DCLK2: variants seen among roughly 807,000 people sequenced by gnomAD.
DCLK2 encodes the protein serine/threonine-protein kinase DCLK2.
DCLK2 carries 31 observed loss-of-function variants against 78.4 expected under a neutral mutation model. The ratio of observed to expected loss-of-function variants is 0.40; its 90% confidence interval spans 0.30 to 0.53. The LOEUF is 0.53. Ranked by LOEUF, DCLK2 falls within the 20% of genes least tolerant of loss-of-function variation. The probability of loss-of-function intolerance (pLI) is 0.61; values close to 1 mark genes in which losing one functional copy is unlikely to be tolerated. For missense variants in DCLK2, 872 were observed against 973.7 expected (o/e 0.90, Z 1.39); for synonymous variants, 407 against 374.9 (o/e 1.09, Z -0.99).
At chr4:150,182,568 T>C (rs1737610855) in intron 2 of DCLK2, among the ~76,000 whole-genome samples, 1 of 152,198 alleles carries the variant, frequency 6.6e-6, no homozygotes, top group Non-Finnish European at 1.5e-5. Context: ...TCATCGTTTA[T>C]TGCATGTTAA....
chr4:150,179,546 T>C (rs1265972182), intron 2 of DCLK2, among the ~76,000 whole-genome samples: 1 of 152,188 alleles, frequency 6.6e-6, no homozygotes, highest in African/African-American at 2.4e-5. Context: ...GGGTCTTAAC[T>C]ACCTGGATGT....
At chr4:150,207,778 T>A (rs530281740) in intron 5 of DCLK2, among the ~76,000 whole-genome samples, 1 of 152,350 alleles carries the variant, frequency 6.6e-6, no homozygotes, top group East Asian at 1.9e-4. Context: ...ATTTGTTTTG[T>A]TCAAGTAGTA....
chr4:150,088,533 G>A (rs1486800155), intron 1 of DCLK2, among the ~76,000 whole-genome samples: 1 of 151,796 alleles, frequency 6.6e-6, no homozygotes, highest in African/African-American at 2.4e-5. Context: ...TGGCCTCCTG[G>A]CCTCTAGCAG....
chr4:150,149,403 C>G (rs539350715), intron 2 of DCLK2, among the ~76,000 whole-genome samples: 3 of 152,218 alleles, frequency 2.0e-5, no homozygotes, highest in Admixed American at 6.5e-5. Flanking sequence ...ATATTAAACT[C>G]AGCTGGTGGA....
At chr4:150,173,605 T>G (rs766488440) in intron 2 of DCLK2, among the ~76,000 whole-genome samples, 2 of 152,158 alleles carry the variant, frequency 1.3e-5, no homozygotes, top group Non-Finnish European at 2.9e-5. Context: ...GAAGGAAAAG[T>G]CTCCACTTTT....
Position 150,179,785 on chromosome 4 carries a change from C to G in DCLK2, c.757-13353C>G, listed in dbSNP as rs1237784409. Reference sequence around the variant, plus strand: ...GATAAAAACTGCAGTTACTTTTGCACCAACCTAATAAAACCGTGATTGTAA... The same window carrying G: ...GATAAAAACTGCAGTTACTTTTGCAGCAACCTAATAAAACCGTGATTGTAA... On this transcript the variant is annotated intron_variant, in intron 2 of 15. Transcript: ENST00000296550. 2.0e-5 allele frequency among the ~76,000 whole-genome samples: 3 copies of G among 152,134 alleles called. No homozygotes were observed. In the South Asian group the frequency reaches 6.2e-4, roughly 32 times the overall value.
At chr4:150,244,167 T>A (rs1312139595) in intron 12 of DCLK2, among the ~76,000 whole-genome samples, 3 of 152,132 alleles carry the variant, frequency 2.0e-5, no homozygotes, top group Non-Finnish European at 4.4e-5. Flanking sequence ...ACTCCTAGCC[T>A]CAGGCAGTCC....
At chr4:150,079,491 G>C (rs756968380) in intron 1 of DCLK2, 43 bp downstream of exon 1, 1 of 1,441,736 alleles carries the variant, frequency 6.9e-7, no homozygotes, top group East Asian at 2.6e-5. Flanking sequence ...GCGGAGCGCC[G>C]GCAGGTGCAG....
At chr4:150,121,746 C>A (rs1177003889) in intron 2 of DCLK2, among the ~76,000 whole-genome samples, 1 of 152,142 alleles carries the variant, frequency 6.6e-6, no homozygotes, top group East Asian at 1.9e-4. Flanking sequence ...GCAAGTATAG[C>A]CTTACAAAAT....
At chr4:150,153,937 C>T (rs578202031) in intron 2 of DCLK2, among the ~76,000 whole-genome samples, 6 of 152,172 alleles carry the variant, frequency 3.9e-5, no homozygotes, top group Admixed American at 1.3e-4. Context: ...AGCATAGGTC[C>T]GGGTTCCATT....
chr4:150,253,915 C>G, intron 15 of DCLK2: 1 of 984,912 alleles, frequency 1.0e-6, no homozygotes, highest in Non-Finnish European at 1.2e-6. Flanking sequence ...AGCTGCATTT[C>G]CAAAGATGAG....
intron 7 of DCLK2, among the ~76,000 whole-genome samples, chr4:150,223,615 G>C (rs537869682): frequency 6.6e-6 from 1 of 152,130 alleles, no homozygotes; most frequent in East Asian, 1.9e-4. Context: ...GTGTTGGCAG[G>C]TGCCTGTAAT....
chr4:150,247,491 C>T, intron 12 of DCLK2, 112 bp from the exon 13 acceptor site: 1 of 767,016 alleles, frequency 1.3e-6, no homozygotes, highest in Admixed American at 2.4e-5. Context: ...ATACGGAATG[C>T]CCAAGTCAAA....
chr4:150,198,538 A>G (rs1739228924), intron 4 of DCLK2, among the ~76,000 whole-genome samples: 1 of 152,142 alleles, frequency 6.6e-6, no homozygotes, highest in Non-Finnish European at 1.5e-5. Context: ...TGCCTCATCA[A>G]ATGATACATT....
At chr4:150,109,874 A>G (rs1731541042) in intron 2 of DCLK2, among the ~76,000 whole-genome samples, 1 of 152,196 alleles carries the variant, frequency 6.6e-6, no homozygotes, top group South Asian at 2.1e-4. Flanking sequence ...AAGGTGACTT[A>G]CCTTAAATTA....
chr4:150,247,977 C>T (rs1560908846), intron 13 of DCLK2, among the ~76,000 whole-genome samples: 1 of 152,158 alleles, frequency 6.6e-6, no homozygotes. Flanking sequence ...GTATTGGGCA[C>T]CCATCAGGAT....
intron 2 of DCLK2, among the ~76,000 whole-genome samples, chr4:150,176,032 G>A (rs544184763): frequency 1.2e-4 from 19 of 152,308 alleles, no homozygotes; most frequent in Admixed American, 2.6e-4. Context: ...GAAGATAGGT[G>A]GCTGGAATTT....
intron 10 of DCLK2, among the ~76,000 whole-genome samples, chr4:150,233,930 C>T (rs1742272070): frequency 6.6e-6 from 1 of 152,202 alleles, no homozygotes; most frequent in Non-Finnish European, 1.5e-5. Flanking sequence ...GACATTTACA[C>T]TCCTCCCAGC....
intron 10 of DCLK2, among the ~76,000 whole-genome samples, chr4:150,238,627 A>G (rs1391179146): frequency 1.3e-5 from 2 of 151,886 alleles, no homozygotes; most frequent in African/African-American, 4.8e-5. Flanking sequence ...AACATTTTTT[A>G]TTTTTTTACT....
Sources: gnomAD v4.1 joint callset for allele counts (sites outside exome capture counted in the v4.1 genomes callset) on GRCh38, gnomAD v4.1.1 for gene constraint, MANE v1.5 for transcripts, NCBI Gene and HGNC (gene_info 2026-07-23, HGNC 2026-07-21) for gene names.